The following MYBL2 variants were observed in gnomAD, a reference collection of about 807,000 sequenced individuals.
MYBL2 encodes MYB proto-oncogene like 2.
In MYBL2, 28 loss-of-function variants were observed where a neutral mutation model predicts 79.9. The observed-to-expected ratio is 0.35, with a 90% CI of 0.26 to 0.48. The LOEUF (loss-of-function observed/expected upper bound fraction) is 0.48, where lower values mean the gene tolerates loss of function less well. Ranked by LOEUF, MYBL2 falls within the 20% of genes least tolerant of loss-of-function variation. MYBL2 has a pLI of 0.99. For missense variants in MYBL2, 735 were observed against 893.9 expected, an observed-to-expected ratio of 0.82 and a Z score of 2.27; for synonymous variants, 378 against 361.2, an observed-to-expected ratio of 1.05 and a Z score of -0.53.
chr20:43,699,717 T>G, intron 6 of MYBL2, 40 bp from the exon 7 acceptor site: 1 of 1,606,092 alleles, frequency 6.2e-7, no homozygotes, highest in East Asian at 2.2e-5. Flanking sequence ...ATAGTCTATA[T>G]CTCAGCGAAA....
intron 4 of MYBL2, among the ~76,000 whole-genome samples, chr20:43,684,945 G>C (rs1337808718): frequency 6.6e-6 from 1 of 151,406 alleles, no homozygotes; most frequent in Non-Finnish European, 1.5e-5. Context: ...TCAGGAGTTT[G>C]AGACCAGCCT....
intron 12 of MYBL2, 53 bp downstream of exon 12, chr20:43,713,159 G>A (rs1300886229): frequency 3.3e-6 from 5 of 1,508,314 alleles, no homozygotes; most frequent in Non-Finnish European, 3.6e-6. Flanking sequence ...CCCTCAAGGT[G>A]GAGTTAGTGT....
At chr20:43,713,439 GT>G (rs1196976136) in intron 12 of MYBL2, among the ~76,000 whole-genome samples, 3 of 150,566 alleles carry the variant, frequency 2.0e-5, no homozygotes, top group African/African-American at 4.9e-5. Context: ...CCAGGCTGGA[GT>G]GCAATGGTGC....
rs184081565 is a variant in MYBL2 at position 43,704,699 on chromosome 20, C to T, written c.1366-520C>T. Among the ~76,000 whole-genome samples the T allele has an allele frequency of 3.2e-4, 48 of 152,270 alleles. 1 individual carries two copies. Among genetic ancestry groups the T allele is most frequent in the East Asian group, 1.9e-4 (1 of 5,186 alleles). ...GTGCAAGACTCAAAACCTCTCTAAG[C>T]GTTGGTTTTCTTATCTGTAAAAGGG... On this transcript the variant is annotated intron_variant, in intron 8 of 13. Coordinates refer to ENST00000217026, the MANE Select transcript of MYBL2 (RefSeq NM_002466.4).
At chr20:43,708,925 G>C (rs1298894431) in intron 9 of MYBL2, among the ~76,000 whole-genome samples, 1 of 152,206 alleles carries the variant, frequency 6.6e-6, no homozygotes, top group Non-Finnish European at 1.5e-5. Context: ...CTTACAGAGG[G>C]GGATCTCTGT....
chr20:43,668,889 C>A (rs928697060), intron 1 of MYBL2, among the ~76,000 whole-genome samples: 6 of 151,614 alleles, frequency 4.0e-5, no homozygotes, highest in Non-Finnish European at 8.8e-5. Context: ...ATTTAGGAGA[C>A]AGAGCCACTC....
chr20:43,709,243 C>A (rs1334513823), intron 9 of MYBL2, among the ~76,000 whole-genome samples: 1 of 152,248 alleles, frequency 6.6e-6, no homozygotes, highest in Middle Eastern at 3.4e-3. Context: ...TACCAGCACA[C>A]AAGGGTTCGT....
chr20:43,710,479 C>T (rs905709470), intron 10 of MYBL2, among the ~76,000 whole-genome samples: 5 of 152,342 alleles, frequency 3.3e-5, no homozygotes, highest in South Asian at 2.1e-4. Flanking sequence ...CCCTCGGGGA[C>T]GTCTTTCCTG....
intron 1 of MYBL2, among the ~76,000 whole-genome samples, chr20:43,670,960 CTTTTTTTTCTT>C (rs1260858477): frequency 3.5e-5 from 5 of 144,658 alleles, no homozygotes; most frequent in African/African-American, 1.3e-4. Flanking sequence ...CCTATGATTT[CTTTTTTTTCTT>C]TTTTTTTTTT....
chr20:43,674,127 C>T (rs576982815), intron 2 of MYBL2, among the ~76,000 whole-genome samples: 65 of 151,310 alleles, frequency 4.3e-4, no homozygotes, highest in Admixed American at 8.6e-4. Flanking sequence ...ACCTCAGGGC[C>T]CATTGTGTCT....
intron 6 of MYBL2, among the ~76,000 whole-genome samples, chr20:43,693,923 C>T (rs1364240708): frequency 6.6e-6 from 1 of 152,032 alleles, no homozygotes; most frequent in Non-Finnish European, 1.5e-5. Context: ...TTTTGTGCAC[C>T]TGTAGTCCCA....
intron 9 of MYBL2, among the ~76,000 whole-genome samples, chr20:43,708,970 G>A (rs1036699420): frequency 6.6e-6 from 1 of 152,250 alleles, no homozygotes; most frequent in Non-Finnish European, 1.5e-5. Flanking sequence ...GGTTTGGGAA[G>A]AGACTGTGGA....
intron 11 of MYBL2, among the ~76,000 whole-genome samples, chr20:43,712,247 C>T (rs1987924959): frequency 6.6e-6 from 1 of 152,214 alleles, no homozygotes; most frequent in Non-Finnish European, 1.5e-5. Context: ...TCTCCTAGTG[C>T]TCCTTTTTCC....
At chr20:43,694,671 G>C (rs1318815310) in intron 6 of MYBL2, among the ~76,000 whole-genome samples, 1 of 152,204 alleles carries the variant, frequency 6.6e-6, no homozygotes, top group African/African-American at 2.4e-5. Flanking sequence ...TCAAAGGGCA[G>C]AGAAATGTAT....
intron 11 of MYBL2, among the ~76,000 whole-genome samples, chr20:43,711,923 G>T (rs35484530): frequency 0.012 from 1,756 of 152,272 alleles, 40 homozygotes; most frequent in African/African-American, 0.04. Context: ...TTAGTGTTCA[G>T]GGGGCAGAGA....
At chr20:43,682,682 A>C (rs901402282) in intron 3 of MYBL2, 112 bp from the exon 4 acceptor site, 17 of 898,426 alleles carry the variant, frequency 1.9e-5, no homozygotes, top group Non-Finnish European at 3.1e-5. Context: ...CACCTACCCA[A>C]GGTGTGCCTA....
intron 2 of MYBL2, among the ~76,000 whole-genome samples, chr20:43,677,233 T>C (rs541106311): frequency 2.0e-5 from 3 of 152,212 alleles, no homozygotes; most frequent in Non-Finnish European, 4.4e-5. Flanking sequence ...GATTTCTCTC[T>C]GGAATGGAGA....
At chr20:43,692,048 G>A in intron 5 of MYBL2, 109 bp from the exon 6 acceptor site, 1 of 992,630 alleles carries the variant, frequency 1.0e-6, no homozygotes, top group African/African-American at 1.6e-5. Flanking sequence ...TCATCTAGTG[G>A]AAGATTCATT....
intron 10 of MYBL2, 28 bp downstream of exon 10, chr20:43,710,090 CTCTGCACAGTGGGATCCCTTCGGTTCAT>C: frequency 6.4e-7 from 1 of 1,552,370 alleles, no homozygotes; most frequent in Non-Finnish European, 8.8e-7. Context: ...TGCCGTGGAT[CTCTGCACAGTGGGATCCCTTCGGTTCAT>C]CCAACCATGT....
Sources: allele counts gnomAD v4.1 joint callset (sites outside exome capture counted in the v4.1 genomes callset), GRCh38; gene constraint gnomAD v4.1.1; transcripts MANE v1.5; gene names NCBI Gene and HGNC (gene_info 2026-07-23, HGNC 2026-07-21).